Variants in APOLD1 observed in about 807,000 individuals in gnomAD.
APOLD1 encodes apolipoprotein L domain containing 1, also known as apolipoprotein L domain-containing protein 1.
APOLD1 carries 22 observed loss-of-function variants against 15.3 expected under a neutral mutation model. The observed-to-expected ratio is 1.44, with a 90% confidence interval of 1.03 to 2.05. APOLD1 has a LOEUF of 2.05. APOLD1 is among the 30% of genes most tolerant of loss of function. The probability of loss-of-function intolerance (pLI) is 0.00; values close to 1 mark genes in which losing one functional copy is unlikely to be tolerated. For missense variants in APOLD1, 394 were observed against 353.5 expected, an observed-to-expected ratio of 1.11 and a Z score of -0.92; for synonymous variants, 190 against 167.4, an observed-to-expected ratio of 1.13 and a Z score of -1.04.
chr12:12,744,978 A>G (rs532778184), intron 1 of APOLD1, among the ~76,000 whole-genome samples: 48 of 152,308 alleles, frequency 3.2e-4, no homozygotes, highest in South Asian at 1.7e-3. Flanking sequence ...ACCCTGACAA[A>G]GCTTTTTCTT....
chr12:12,736,723 GT>G (rs1178596347), intron 1 of APOLD1, among the ~76,000 whole-genome samples: 8 of 152,188 alleles, frequency 5.3e-5, no homozygotes, highest in African/African-American at 1.9e-4. Flanking sequence ...AAACAATCGA[GT>G]TTTCAAAAAC....
At chr12:12,780,470 A>G (rs1445353499) in intron 1 of APOLD1, among the ~76,000 whole-genome samples, 1 of 151,900 alleles carries the variant, frequency 6.6e-6, no homozygotes, top group Non-Finnish European at 1.5e-5. Context: ...GCCTGGCCGA[A>G]TTTATTTTTA....
At chr12:12,774,682 A>G (rs1006738861) in intron 1 of APOLD1, among the ~76,000 whole-genome samples, 1 of 152,142 alleles carries the variant, frequency 6.6e-6, no homozygotes, top group Non-Finnish European at 1.5e-5. Context: ...ATTGGTGGTA[A>G]ATAAATATAT....
At chr12:12,749,552 C>T (rs1394922024) in intron 1 of APOLD1, among the ~76,000 whole-genome samples, 4 of 152,012 alleles carry the variant, frequency 2.6e-5, no homozygotes, top group Non-Finnish European at 4.4e-5. Context: ...TCACCTTAAC[C>T]TCTGATTGGT....
intron 1 of APOLD1, among the ~76,000 whole-genome samples, chr12:12,765,877 C>G (rs756273988): frequency 6.6e-6 from 1 of 152,048 alleles, no homozygotes; most frequent in African/African-American, 2.4e-5. Context: ...CTCAAAAACA[C>G]CCAAAAAACA....
At chr12:12,755,810 TA>T (rs1297224268) in intron 1 of APOLD1, among the ~76,000 whole-genome samples, 1 of 152,190 alleles carries the variant, frequency 6.6e-6, no homozygotes, top group African/African-American at 2.4e-5. Context: ...CACTGCGCTC[TA>T]ACCAGGGCAA....
intron 1 of APOLD1, among the ~76,000 whole-genome samples, chr12:12,732,348 C>T (rs544408911): frequency 6.6e-6 from 1 of 152,316 alleles, no homozygotes; most frequent in Admixed American, 6.5e-5. Flanking sequence ...TTGTTAATTA[C>T]TGCTGTTATT....
At chr12:12,760,957 G>A (rs1019861433) in intron 1 of APOLD1, among the ~76,000 whole-genome samples, 5 of 152,210 alleles carry the variant, frequency 3.3e-5, no homozygotes, top group African/African-American at 1.2e-4. Context: ...TACATACAAT[G>A]CTCATTGAAG....
intron 1 of APOLD1, among the ~76,000 whole-genome samples, chr12:12,773,803 A>G (rs1458975276): frequency 1.3e-5 from 2 of 152,190 alleles, no homozygotes; most frequent in African/African-American, 2.4e-5. Flanking sequence ...AATATAGACA[A>G]TTGACCTTTG....
chr12:12,746,254 G>C (rs1340062653), intron 1 of APOLD1, among the ~76,000 whole-genome samples: 1 of 152,208 alleles, frequency 6.6e-6, no homozygotes, highest in Non-Finnish European at 1.5e-5. Flanking sequence ...CCAGCACTTC[G>C]GGAAGCCGAG....
rs147278328 is a variant in APOLD1 at position 12,767,583 on chromosome 12, C to T, written c.97-19326C>T. On this transcript the variant is annotated intron_variant, in intron 1 of 1. Transcript: ENST00000326765. ...AGCTGAAGCATGAGAATTGCTTGAA[C>T]CCGGGAGGCGGAGGTTGCAGTGAGA... Among the ~76,000 whole-genome samples, 13 of 151,976 alleles carry T rather than the reference C, an allele frequency of 8.6e-5. No individual in the cohort carries two copies. The East Asian group carries it at 2.6e-3, about 30-fold the overall frequency.
At chr12:12,762,905 GGAGGCTGAGGCAA>G (rs1398155736) in intron 1 of APOLD1, among the ~76,000 whole-genome samples, 4 of 152,090 alleles carry the variant, frequency 2.6e-5, no homozygotes, top group African/African-American at 9.7e-5. Context: ...CAGCACTTTG[GGAGGCTGAGGCAA>G]GAGGATTTCT....
chr12:12,739,824 T>C (rs1195923128), intron 1 of APOLD1, among the ~76,000 whole-genome samples: 1 of 150,512 alleles, frequency 6.6e-6, no homozygotes, highest in Non-Finnish European at 1.5e-5. Flanking sequence ...TACTTTTTTT[T>C]TTTTTTTTTT....
chr12:12,770,566 T>TG (rs1329904666), intron 1 of APOLD1, among the ~76,000 whole-genome samples: 7 of 80,062 alleles, frequency 8.7e-5, no homozygotes, highest in African/African-American at 4.3e-4. Context: ...AAAAAAAGAC[T>TG]GAAAAAAAAA....
At chr12:12,773,915 A>G (rs1947007749) in intron 1 of APOLD1, among the ~76,000 whole-genome samples, 1 of 152,222 alleles carries the variant, frequency 6.6e-6, no homozygotes, top group East Asian at 1.9e-4. Context: ...CTAGACACAG[A>G]TCTTACACTC....
At chr12:12,735,318 T>C (rs551964204) in intron 1 of APOLD1, among the ~76,000 whole-genome samples, 1 of 152,182 alleles carries the variant, frequency 6.6e-6, no homozygotes, top group Admixed American at 6.6e-5. Context: ...TGTAGGATGC[T>C]GTAAGAGTTT....
At chr12:12,728,446 G>A (rs573842532) in intron 1 of APOLD1, among the ~76,000 whole-genome samples, 5 of 151,948 alleles carry the variant, frequency 3.3e-5, no homozygotes, top group Non-Finnish European at 7.4e-5. Flanking sequence ...CGGGCAGATC[G>A]CTTGAACTCA....
At position 12,788,978 on chromosome 12, in the gene APOLD1, G is replaced by A. The variant is rs949626493; in HGVS notation, c.*1326G>A. 1 of 152,070 alleles carries A rather than the reference G, an allele frequency of 6.6e-6. No individual in the cohort carries two copies. Among genetic ancestry groups the A allele is most frequent in the Non-Finnish European group, 1.5e-5 (1 of 68,018 alleles). 9.4% of individuals were successfully genotyped at this position (152,070 alleles called of 1,614,324 possible). On this transcript the variant is annotated 3_prime_UTR_variant, in exon 2 of 2. Coordinates refer to ENST00000356591, the MANE Select transcript of APOLD1 (RefSeq NM_030817.3). ...GGGATGTAACACTAAAAGCCCATTAGGGGGCAGTGTTTCCCGCCTGTTGTA... is the reference window on the plus strand; with the variant it reads ...GGGATGTAACACTAAAAGCCCATTAAGGGGCAGTGTTTCCCGCCTGTTGTA...
intron 1 of APOLD1, among the ~76,000 whole-genome samples, chr12:12,767,593 G>A (rs1452538957): frequency 1.3e-5 from 2 of 152,070 alleles, no homozygotes; most frequent in Non-Finnish European, 2.9e-5. Flanking sequence ...CCCGGGAGGC[G>A]GAGGTTGCAG....
Sources: allele counts gnomAD v4.1 joint callset (sites outside exome capture counted in the v4.1 genomes callset), GRCh38; gene constraint gnomAD v4.1.1; transcripts MANE v1.5; gene names NCBI Gene and HGNC (gene_info 2026-07-23, HGNC 2026-07-21).